Variants in HSPG2 observed in about 807,000 individuals in gnomAD.
HSPG2 encodes the protein basement membrane-specific heparan sulfate proteoglycan core protein.
Under a neutral mutation model 526.6 loss-of-function variants are expected in HSPG2, and 278 were observed. That is an observed-to-expected ratio of 0.53 (90% CI 0.48 to 0.58). The LOEUF (loss-of-function observed/expected upper bound fraction) is 0.58. Ranked by LOEUF, HSPG2 falls within the 20% of genes least tolerant of loss-of-function variation. The probability of loss-of-function intolerance (pLI) is 0.00; values close to 1 mark genes in which losing one functional copy is unlikely to be tolerated. For missense variants in HSPG2, 5,354 were observed against 6,099.5 expected, an observed-to-expected ratio of 0.88 and a Z score of 4.07; for synonymous variants, 2,465 against 2,555.4, an observed-to-expected ratio of 0.96 and a Z score of 1.07.
chr1:21,847,620 CAG>C lies in HSPG2; in HGVS notation c.8025+67_8025+68del. 2 of 1,605,146 alleles carry C rather than the reference CAG, an allele frequency of 1.2e-6. No individual in the cohort carries two copies. Among genetic ancestry groups the C allele is most frequent in the South Asian group, 1.1e-5 (1 of 90,566 alleles). On this transcript the variant is annotated intron_variant, in intron 61 of 96. Transcript: ENST00000374695. The surrounding 1 kb of genome is among the most constrained non-coding windows in gnomAD (Gnocchi z 4.1). ...TCTACCCAGGGCCCAATCCGTGAGA[CAG>C]GGAGCCTGCTCTGCTCACCCCAGGA...
chr1:21,886,990 A>T (rs1241027638), intron 9 of HSPG2, among the ~76,000 whole-genome samples: 1 of 152,204 alleles, frequency 6.6e-6, no homozygotes, highest in East Asian at 1.9e-4. Context: ...ACCAAAGGCC[A>T]GCTCAGGGCC....
intron 56 of HSPG2, 40 bp from the exon 57 acceptor site, chr1:21,850,232 G>A (rs779224642): frequency 6.2e-6 from 10 of 1,612,944 alleles, no homozygotes; most frequent in Non-Finnish European, 8.5e-6. Flanking sequence ...CGGCTAGGAG[G>A]TGAGATGAGA....
Position 21,828,389 on chromosome 1 carries a change from CTG to C in HSPG2, c.12273_12274del (p.Tyr4091Ter). 1 of 1,613,744 alleles carries C rather than the reference CTG, an allele frequency of 6.2e-7. No individual in the cohort carries two copies. Among genetic ancestry groups the C allele is most frequent in the Non-Finnish European group, 8.5e-7 (1 of 1,180,022 alleles). On this transcript the variant is annotated stop_gained and frameshift_variant, in exon 89 of 97. Coordinates refer to ENST00000374695, the MANE Select transcript of HSPG2 (RefSeq NM_005529.7). LOFTEE classifies it high-confidence loss of function. The surrounding 1 kb of genome is among the most constrained non-coding windows in gnomAD (Gnocchi z 6.0). Reference sequence around the variant, plus strand: ...CCCGATGCCCTGGCTGCCTAGGAAACTGTAGGTGAGGTCCAGCCGTTTGCCAT... The same window carrying C: ...CCCGATGCCCTGGCTGCCTAGGAAACTAGGTGAGGTCCAGCCGTTTGCCAT...
intron 1 of HSPG2, among the ~76,000 whole-genome samples, chr1:21,911,653 T>G (rs1168132343): frequency 6.6e-6 from 1 of 152,214 alleles, no homozygotes; most frequent in Non-Finnish European, 1.5e-5. Context: ...GAGCCTGGCC[T>G]GCTCCAGGGC....
Position 21,831,719 on chromosome 1 carries a change from A to G in HSPG2, c.11285T>C (p.Leu3762Pro), listed in dbSNP as rs748384780. 1.9e-6 allele frequency: 3 copies of G among 1,606,230 alleles called. No homozygotes were observed. In the African/African-American group the frequency reaches 4.0e-5, roughly 21 times the overall value. Residue 3762 changes from leucine (L) to proline (P), a missense_variant, in exon 82 of 97, where the codon CTG becomes CCG. Coordinates refer to ENST00000374695, the MANE Select transcript of HSPG2 (RefSeq NM_005529.7). ...GGAGCCCTGGGTGAGGCTGCGCAGCAGGGTCACGGTGTGGAAATGGCCCAG... is the reference window on the plus strand; with the variant it reads ...GGAGCCCTGGGTGAGGCTGCGCAGCGGGGTCACGGTGTGGAAATGGCCCAG... ...LALGHFHTVT[L>P]LRSLTQGSLI...
intron 1 of HSPG2, among the ~76,000 whole-genome samples, chr1:21,933,760 C>T (rs1416556625): frequency 6.6e-6 from 1 of 152,260 alleles, no homozygotes; most frequent in Admixed American, 6.5e-5. Context: ...GCCCTCCTTC[C>T]CTCCGGGAAT....
rs1399429824 is a variant in HSPG2 at position 21,865,400 on chromosome 1, G to A, written c.4315-35C>T. 1.0e-5 allele frequency: 16 copies of A among 1,596,756 alleles called. No homozygotes were observed. Among genetic ancestry groups the A allele is most frequent in the Middle Eastern group, 1.7e-4 (1 of 5,746 alleles). ...CACCAGCAGGATTGGAAGGGGAGCC[G>A]AGGGGTCCCTGGGGTGCCAGGGTGT... On this transcript the variant is annotated intron_variant, in intron 34 of 96. Transcript: ENST00000374695. This position sits in a 1 kb window ranked among gnomAD's most constrained non-coding sequence, Gnocchi z 5.4.
At chr1:21,849,539 A>G (rs552161839) in intron 57 of HSPG2, among the ~76,000 whole-genome samples, 39 of 152,266 alleles carry the variant, frequency 2.6e-4, no homozygotes, top group Non-Finnish European at 4.3e-4. Flanking sequence ...TAACCTTACA[A>G]ATGGAAGCTT....
At chr1:21,899,627 A>T (rs1419572537) in intron 1 of HSPG2, among the ~76,000 whole-genome samples, 1 of 152,198 alleles carries the variant, frequency 6.6e-6, no homozygotes, top group Non-Finnish European at 1.5e-5. Flanking sequence ...AATGAAGCAG[A>T]TATGAGATCA....
intron 13 of HSPG2, among the ~76,000 whole-genome samples, chr1:21,881,887 G>C (rs985731559): frequency 7.0e-6 from 1 of 142,724 alleles, no homozygotes; most frequent in Non-Finnish European, 1.5e-5. Flanking sequence ...AGGCTGCAGC[G>C]AGCTGAGATC....
rs934469069 is a variant in HSPG2 at position 21,824,433 on chromosome 1, A to T, written c.12745-57T>A. The T allele has an allele frequency of 7.5e-6, 12 of 1,604,810 alleles. No homozygotes were observed. In the Admixed American group the frequency reaches 1.7e-4, roughly 22 times the overall value. On this transcript the variant is annotated intron_variant, in intron 93 of 96. Coordinates refer to ENST00000374695, the MANE Select transcript of HSPG2 (RefSeq NM_005529.7). The surrounding 1 kb of genome is among the most constrained non-coding windows in gnomAD (Gnocchi z 5.9). Reference sequence around the variant, plus strand: ...CCAGCCTGGAGAGCAGAGGCTGCCGAGGCCAGGGGGCTCTGCTTTCCCCTC... The same window carrying T: ...CCAGCCTGGAGAGCAGAGGCTGCCGTGGCCAGGGGGCTCTGCTTTCCCCTC...
chr1:21,880,101 A>G lies in HSPG2; in HGVS notation c.2343+6T>C. ...TAGTGTTCAAGTGTCTGCTGGCACT[A>G]CTCACCAGGCAGTGGCCATACACAG... On this transcript the variant is annotated splice_donor_region_variant and intron_variant, in intron 17 of 96. Coordinates refer to ENST00000374695, the MANE Select transcript of HSPG2 (RefSeq NM_005529.7). 6.2e-7 allele frequency: 1 copy of G among 1,613,964 alleles called. No individual in the cohort carries two copies. Among genetic ancestry groups the G allele is most frequent in the Non-Finnish European group, 8.5e-7 (1 of 1,179,950 alleles).
At position 21,855,831 on chromosome 1, in the gene HSPG2, C is replaced by G; in HGVS notation, c.5657G>C (p.Arg1886Pro). ...TVQPGQLAEF[R>P]CSATGSPTPT... Reference sequence around the variant, plus strand: ...CGTGGGGCTCCCTGTGGCGCTGCAGCGGAACTCCGCCAGTTGCCCGGGCTG... The same window carrying G: ...CGTGGGGCTCCCTGTGGCGCTGCAGGGGAACTCCGCCAGTTGCCCGGGCTG... Residue 1886 changes from arginine to proline, a missense_variant, in exon 45 of 97, where the codon CGC becomes CCC. Transcript: ENST00000374695. The G allele has an allele frequency of 6.2e-7, 1 of 1,613,116 alleles. No homozygotes were observed. The highest frequency in any genetic ancestry group is 1.7e-5 in the Admixed American group (1 of 60,002).
At chr1:21,918,981 C>T (rs1376421537) in intron 1 of HSPG2, among the ~76,000 whole-genome samples, 1 of 152,234 alleles carries the variant, frequency 6.6e-6, no homozygotes. Context: ...GCAGTGGCTG[C>T]TGCTGCCCGC....
chr1:21,829,255 A>G, intron 87 of HSPG2, 128 bp downstream of exon 87: 1 of 1,354,474 alleles, frequency 7.4e-7, no homozygotes, highest in Non-Finnish European at 1.0e-6. Flanking sequence ...ACAGAGACGA[A>G]ATGCACAGGA....
intron 9 of HSPG2, among the ~76,000 whole-genome samples, chr1:21,886,827 A>G (rs1572365117): frequency 6.6e-6 from 1 of 152,058 alleles, no homozygotes; most frequent in Non-Finnish European, 1.5e-5. Flanking sequence ...GCATACATAC[A>G]CCAAGGACCC....
chr1:21,842,630 C>A, intron 67 of HSPG2, 140 bp downstream of exon 67: 1 of 1,134,262 alleles, frequency 8.8e-7, no homozygotes, highest in Non-Finnish European at 1.3e-6. Flanking sequence ...GATTTGCAGG[C>A]TGGTGAACTC....
chr1:21,862,450 G>A (rs917108510), intron 37 of HSPG2, among the ~76,000 whole-genome samples: 16 of 151,960 alleles, frequency 1.1e-4, no homozygotes, highest in Non-Finnish European at 1.6e-4. Flanking sequence ...TGGGTATGGT[G>A]GTGTGCGTCT....
Position 21,865,150 on chromosome 1 carries a change from T to G in HSPG2, c.4396-77A>C. 1 of 1,537,212 alleles carries G rather than the reference T, an allele frequency of 6.5e-7. No individual in the cohort carries two copies. Among genetic ancestry groups the G allele is most frequent in the South Asian group, 1.1e-5 (1 of 89,092 alleles). On this transcript the variant is annotated intron_variant, in intron 35 of 96. Coordinates refer to ENST00000374695, the MANE Select transcript of HSPG2 (RefSeq NM_005529.7). The surrounding 1 kb of genome is among the most constrained non-coding windows in gnomAD (Gnocchi z 5.4). ...CCTACAGTTACCACCCCCCAAATCC[T>G]GCCTTACAGGCACTGACTGAGGGCT...
Sources: allele counts gnomAD v4.1 joint callset (sites outside exome capture counted in the v4.1 genomes callset), GRCh38; gene constraint gnomAD v4.1.1; non-coding constraint Gnocchi (gnomAD v3.1); transcripts MANE v1.5; gene names NCBI Gene and HGNC (gene_info 2026-07-23, HGNC 2026-07-21).